The following CAMK4 variants were observed in gnomAD, a reference collection of about 807,000 sequenced individuals.
CAMK4 encodes calcium/calmodulin dependent protein kinase IV.
A neutral mutation model predicts 44.9 loss-of-function variants in CAMK4; 22 were observed. The ratio of observed to expected loss-of-function variants is 0.49; its 90% CI spans 0.35 to 0.70. The LOEUF is 0.70. Among genes scored for constraint, CAMK4 ranks in the 30% least tolerant of loss-of-function variants. CAMK4 has a pLI of 0.01. For missense variants in CAMK4, 498 were observed against 586.8 expected, an observed-to-expected ratio of 0.85 and a Z score of 1.56; for synonymous variants, 218 against 215.4, an observed-to-expected ratio of 1.01 and a Z score of -0.11.
rs555729588 is a variant in CAMK4 at position 111,415,504 on chromosome 5, T to C, written c.459+20722T>C. On this transcript the variant is annotated intron_variant, in intron 5 of 10. Transcript: ENST00000282356. ...TGACTTAATAAGGAAAGAAATTATA[T>C]GCTAAGGTTACTAAGGTCTACAGTA... 4.6e-5 allele frequency among the ~76,000 whole-genome samples: 7 copies of C among 152,336 alleles called. No homozygotes were observed. The East Asian group carries it at 7.7e-4, about 17-fold the overall frequency.
intron 1 of CAMK4, among the ~76,000 whole-genome samples, chr5:111,315,808 C>T (rs1748397161): frequency 6.6e-6 from 1 of 152,064 alleles, no homozygotes; most frequent in South Asian, 2.1e-4. Flanking sequence ...AGTCTGCAGC[C>T]AGTGACAGCT....
chr5:111,301,031 T>A (rs1747696984), intron 1 of CAMK4, among the ~76,000 whole-genome samples: 4 of 152,128 alleles, frequency 2.6e-5, no homozygotes, highest in Admixed American at 2.6e-4. Context: ...GACCCGTAAG[T>A]GAAGTCCACA....
intron 1 of CAMK4, among the ~76,000 whole-genome samples, chr5:111,315,465 G>T (rs1748379202): frequency 6.6e-6 from 1 of 152,196 alleles, no homozygotes; most frequent in African/African-American, 2.4e-5. Context: ...TCTGAAATCA[G>T]ATAAAGAAGA....
intron 5 of CAMK4, among the ~76,000 whole-genome samples, chr5:111,424,033 T>C (rs1436613423): frequency 1.3e-5 from 2 of 152,214 alleles, no homozygotes; most frequent in Non-Finnish European, 2.9e-5. Flanking sequence ...ATTAGAACCC[T>C]AAATAAGTGA....
chr5:111,492,328 T>C lies in CAMK4; in HGVS notation c.*7862T>C, dbSNP rs1192894679. ...ATACAGCAATATTATTGCTCTATTA[T>C]TACAGCAATCAATAATATAATATAG... On this transcript the variant is annotated 3_prime_UTR_variant, in exon 11 of 11. Coordinates refer to ENST00000282356, the MANE Select transcript of CAMK4 (RefSeq NM_001744.6). 1 of 152,138 alleles carries C rather than the reference T, an allele frequency of 6.6e-6. No homozygotes were observed. Among genetic ancestry groups the C allele is most frequent in the Non-Finnish European group, 1.5e-5 (1 of 68,042 alleles). 9.4% of individuals were successfully genotyped at this position (152,138 alleles called of 1,614,324 possible).
intron 1 of CAMK4, among the ~76,000 whole-genome samples, chr5:111,310,023 T>G (rs1051917416): frequency 2.0e-5 from 3 of 152,302 alleles, no homozygotes; most frequent in East Asian, 3.9e-4. Flanking sequence ...ATGTCCTCTT[T>G]TCTACAACCT....
At chr5:111,444,077 T>G (rs982074112) in intron 5 of CAMK4, among the ~76,000 whole-genome samples, 1 of 152,162 alleles carries the variant, frequency 6.6e-6, no homozygotes, top group African/African-American at 2.4e-5. Flanking sequence ...TTTTCCTTCG[T>G]TGTTATTTTT....
At chr5:111,276,016 C>A (rs1054796931) in intron 1 of CAMK4, among the ~76,000 whole-genome samples, 3 of 152,094 alleles carry the variant, frequency 2.0e-5, no homozygotes, top group African/African-American at 7.2e-5. Flanking sequence ...ATATTATTGA[C>A]AATTCAGTTT....
intron 6 of CAMK4, among the ~76,000 whole-genome samples, chr5:111,447,987 G>T (rs1754086606): frequency 6.6e-6 from 1 of 152,188 alleles, no homozygotes; most frequent in South Asian, 2.1e-4. Context: ...AGGCAGGAGA[G>T]GTTTTCTTTC....
rs1312463061 is a variant in CAMK4, at chr5:111,302,579, G to A, written c.162-41445G>A. 1.6e-4 allele frequency: 11 copies of A among 69,116 alleles called. No homozygotes were observed. In the East Asian group the frequency reaches 3.7e-3, roughly 23 times the overall value. 4.3% of individuals were successfully genotyped at this position (69,116 alleles called of 1,614,324 possible). On this transcript the variant is annotated intron_variant, in intron 1 of 10. Coordinates refer to ENST00000282356, the MANE Select transcript of CAMK4 (RefSeq NM_001744.6). ...CACCACGAGACTATATCCCACACCT[G>A]GCTCAGAGGGTCCTACGCCCACGGA...
At chr5:111,393,567 A>G (rs1319533603) in intron 4 of CAMK4, among the ~76,000 whole-genome samples, 1 of 152,186 alleles carries the variant, frequency 6.6e-6, no homozygotes, top group African/African-American at 2.4e-5. Flanking sequence ...AAATGAGATC[A>G]TGTCCTATGA....
chr5:111,338,300 T>C (rs1201059719), intron 1 of CAMK4, among the ~76,000 whole-genome samples: 1 of 151,136 alleles, frequency 6.6e-6, no homozygotes, highest in Admixed American at 6.6e-5. Context: ...ATTAACTATA[T>C]TATTAAGAGC....
chr5:111,251,457 G>T (rs781157623), intron 1 of CAMK4, among the ~76,000 whole-genome samples: 2 of 152,176 alleles, frequency 1.3e-5, no homozygotes, highest in Non-Finnish European at 2.9e-5. Flanking sequence ...CTCCAAGACA[G>T]TCAGAGAAGA....
At chr5:111,469,185 A>G (rs1325170796) in intron 7 of CAMK4, among the ~76,000 whole-genome samples, 1 of 82,692 alleles carries the variant, frequency 1.2e-5, no homozygotes, top group African/African-American at 3.5e-5. Flanking sequence ...ATATATATAT[A>G]TATATATATA....
chr5:111,346,269 G>A (rs1043365033), intron 2 of CAMK4, among the ~76,000 whole-genome samples: 1 of 151,806 alleles, frequency 6.6e-6, no homozygotes, highest in African/African-American at 2.4e-5. Context: ...AAAAACAAAA[G>A]GGTTCAGAAA....
chr5:111,225,665 T>C (rs930741840), intron 1 of CAMK4, among the ~76,000 whole-genome samples: 6 of 152,234 alleles, frequency 3.9e-5, no homozygotes, highest in African/African-American at 1.4e-4. Flanking sequence ...ACAGCCTTTT[T>C]ATTTTTTCAA....
intron 7 of CAMK4, among the ~76,000 whole-genome samples, chr5:111,463,465 C>T (rs980330157): frequency 1.3e-5 from 2 of 152,206 alleles, no homozygotes; most frequent in African/African-American, 4.8e-5. Flanking sequence ...CTACCTACCA[C>T]CTGATCCTCC....
chr5:111,364,813 C>T (rs143822225), intron 2 of CAMK4: 1 of 152,072 alleles, frequency 6.6e-6, no homozygotes, highest in Non-Finnish European at 1.5e-5. Context: ...TGCTCAAAGA[C>T]AAGCTTATCT....
At chr5:111,423,951 C>A (rs956558731) in intron 5 of CAMK4, among the ~76,000 whole-genome samples, 1 of 152,194 alleles carries the variant, frequency 6.6e-6, no homozygotes, top group African/African-American at 2.4e-5. Context: ...ATTTTACATA[C>A]GAGGAGACCA....
Sources: gnomAD v4.1 joint callset for allele counts (sites outside exome capture counted in the v4.1 genomes callset) on GRCh38, gnomAD v4.1.1 for gene constraint, MANE v1.5 for transcripts, NCBI Gene and HGNC (gene_info 2026-07-23, HGNC 2026-07-21) for gene names.